Variants in AR observed in about 807,000 individuals in gnomAD.
The protein encoded by AR is dihydrotestosterone receptor.
AR carries 8 observed loss-of-function variants against 53.9 expected under a neutral mutation model. That is an observed-to-expected ratio of 0.15 (90% CI 0.09 to 0.27). The LOEUF is 0.27. Among genes scored for constraint, AR ranks in the 10% least tolerant of loss-of-function variants. The pLI is 1.00. For missense variants in AR, 639 were observed against 742.5 expected (o/e 0.86, Z 1.62); for synonymous variants, 359 against 316.4 (o/e 1.13, Z -1.43).
Position 67,728,298 on chromosome X carries a change from G to C in AR, c.*4457G>C, listed in dbSNP as rs759546091. The C allele has an allele frequency of 6.2e-6, 1 of 162,119 alleles. No homozygotes were observed. Among genetic ancestry groups the C allele is most frequent in the East Asian group, 8.9e-5 (1 of 11,280 alleles). The allele number at this position is 162,119 out of a possible 1,213,427, so 13.4% of individuals were successfully genotyped here. ...GAACTGGCTTTCCTTTTCTCTAGTA[G>C]TTGCTGAGCAAATTGTTGAAGCTCC... On this transcript the variant is annotated 3_prime_UTR_variant, in exon 8 of 8. Coordinates refer to ENST00000374690, the MANE Select transcript of AR (RefSeq NM_000044.6).
chrX:67,657,069 T>G (rs920617860), intron 2 of AR, among the ~76,000 whole-genome samples: 1 of 110,766 alleles, frequency 9.0e-6, no homozygotes, highest in Non-Finnish European at 1.9e-5. Flanking sequence ...AACAACTAAT[T>G]GATTTAAATC....
At chrX:67,699,073 A>G (rs1266022089) in intron 3 of AR, among the ~76,000 whole-genome samples, 1 of 112,283 alleles carries the variant, frequency 8.9e-6, no homozygotes, top group Non-Finnish European at 1.9e-5. Flanking sequence ...TCCAGAGCCT[A>G]TTCTTTTGCC....
chrX:67,637,181 TTTA>T (rs1925477088), intron 1 of AR, among the ~76,000 whole-genome samples: 1 of 110,058 alleles, frequency 9.1e-6, no homozygotes. Context: ...TTTTTTTTAT[TTTA>T]TTATTATTAT....
intron 1 of AR, among the ~76,000 whole-genome samples, chrX:67,563,909 C>T (rs1040234302): frequency 9.9e-5 from 11 of 111,369 alleles, no homozygotes; most frequent in African/African-American, 2.9e-4. Flanking sequence ...CTAGTAACTC[C>T]GTTGCACATA....
chrX:67,592,062 A>G (rs369521369), intron 1 of AR, among the ~76,000 whole-genome samples: 1 of 112,573 alleles, frequency 8.9e-6, no homozygotes, highest in South Asian at 3.7e-4. Flanking sequence ...AATGTGTTCA[A>G]GAGTGATGCT....
intron 1 of AR, chrX:67,568,774 A>C (rs1921668885): frequency 9.7e-7 from 1 of 1,027,581 alleles, no homozygotes; most frequent in Non-Finnish European, 1.3e-6. Flanking sequence ...CCTCTTCCCA[A>C]CCCACTGTGT....
At chrX:67,643,457 CAG>C in intron 2 of AR, 50 bp downstream of exon 2, 1 of 1,157,220 alleles carries the variant, frequency 8.6e-7, no homozygotes, top group Non-Finnish European at 1.2e-6. Flanking sequence ...CTTTACCTTC[CAG>C]AGAGAGACAC....
intron 3 of AR, among the ~76,000 whole-genome samples, chrX:67,690,071 C>T (rs1462072694): frequency 9.0e-6 from 1 of 111,726 alleles, no homozygotes; most frequent in African/African-American, 3.3e-5. Context: ...ATTCCTTCCT[C>T]TCCTGGACCA....
chrX:67,597,883 G>A (rs1923155866), intron 1 of AR, among the ~76,000 whole-genome samples: 1 of 111,760 alleles, frequency 8.9e-6, no homozygotes, highest in South Asian at 3.7e-4. Flanking sequence ...TGTTGGAGGG[G>A]GTGGTAAACA....
intron 1 of AR, among the ~76,000 whole-genome samples, chrX:67,561,946 T>G (rs1224257355): frequency 1.1e-5 from 1 of 91,762 alleles, no homozygotes; most frequent in East Asian, 3.4e-4. Flanking sequence ...TTTTTTTTTT[T>G]TTTTTTTTTG....
chrX:67,585,934 C>T (rs1946545550), intron 1 of AR, among the ~76,000 whole-genome samples: 1 of 112,018 alleles, frequency 8.9e-6, no homozygotes. Flanking sequence ...ATATTTGCAT[C>T]ATATCTCCAG....
At chrX:67,686,809 G>A (rs1044758983) in intron 3 of AR, among the ~76,000 whole-genome samples, 1 of 110,980 alleles carries the variant, frequency 9.0e-6, no homozygotes, top group Non-Finnish European at 1.9e-5. Flanking sequence ...TTTCAAGGGC[G>A]TTCCTCTATC....
intron 1 of AR, among the ~76,000 whole-genome samples, chrX:67,609,634 G>A (rs779258483): frequency 1.8e-5 from 2 of 109,778 alleles, no homozygotes; most frequent in African/African-American, 6.6e-5. Flanking sequence ...TTTTTTTCTT[G>A]CATGGGATTT....
chrX:67,565,444 G>A (rs777932279), intron 1 of AR, among the ~76,000 whole-genome samples: 2 of 111,757 alleles, frequency 1.8e-5, no homozygotes, highest in African/African-American at 3.3e-5. Context: ...GAGAAATGGT[G>A]GAGGACCGGA....
At chrX:67,551,674 A>G (rs1227069476) in intron 1 of AR, among the ~76,000 whole-genome samples, 1 of 111,566 alleles carries the variant, frequency 9.0e-6, no homozygotes, top group Non-Finnish European at 1.9e-5. Context: ...AGAAAGTTAG[A>G]TTTTCTATGA....
At chrX:67,572,599 A>G (rs1049913024) in intron 1 of AR, among the ~76,000 whole-genome samples, 1 of 111,825 alleles carries the variant, frequency 8.9e-6, no homozygotes, top group Admixed American at 9.5e-5. Flanking sequence ...ATTCCAGTAT[A>G]CAAAAGGAAA....
intron 2 of AR, among the ~76,000 whole-genome samples, chrX:67,652,066 C>T (rs756099019): frequency 2.9e-4 from 32 of 111,872 alleles, no homozygotes; most frequent in Admixed American, 2.5e-3. Context: ...GAGCATCCCA[C>T]GGAGTGTTTT....
At position 67,717,629 on chromosome X, in the gene AR, G is replaced by T. The variant is rs761714245; in HGVS notation, c.2318+7G>T. On this transcript the variant is annotated splice_region_variant and intron_variant, in intron 5 of 7. Coordinates refer to ENST00000374690, the MANE Select transcript of AR (RefSeq NM_000044.6). ...CTGATCTGGTTTTCAATGAGTAAGT[G>T]CTCCTGGGGCCCAGACCTCACTAAA... The T allele has an allele frequency of 8.3e-6, 10 of 1,212,070 alleles. No homozygotes were observed. The South Asian group carries it at 1.8e-4, about 21-fold the overall frequency.
rs1225638403 is a variant in AR at position 67,725,651 on chromosome X, C to A, written c.*1810C>A. 5.7e-6 allele frequency: 1 copy of A among 174,126 alleles called. No individual in the cohort carries two copies. The highest frequency in any genetic ancestry group is 1.1e-5 in the Non-Finnish European group (1 of 91,505). 14.3% of individuals were successfully genotyped at this position (174,126 alleles called of 1,213,427 possible). A position where few individuals can be genotyped will look rare whatever the true frequency, so the allele number is the denominator to read the frequency against. On this transcript the variant is annotated 3_prime_UTR_variant, in exon 8 of 8. Coordinates refer to ENST00000374690, the MANE Select transcript of AR (RefSeq NM_000044.6). ...GACACCATCTGGTGAGTTTACTCAT[C>A]ATCCTCCTCTGCTGCTGATTCTGGG...
Sources: gnomAD v4.1 joint callset for allele counts (sites outside exome capture counted in the v4.1 genomes callset) on GRCh38, gnomAD v4.1.1 for gene constraint, MANE v1.5 for transcripts, NCBI Gene and HGNC (gene_info 2026-07-23, HGNC 2026-07-21) for gene names.